The following GRIA1 variants were observed in gnomAD, a reference collection of about 807,000 sequenced individuals.
The protein encoded by GRIA1 is glutamate ionotropic receptor AMPA type subunit 1.
A neutral mutation model predicts 99.2 loss-of-function variants in GRIA1; 31 were observed. That is an observed-to-expected ratio of 0.31 (90% CI 0.23 to 0.42). The LOEUF (loss-of-function observed/expected upper bound fraction) is 0.42. Ranked by LOEUF, GRIA1 falls within the 10% of genes least tolerant of loss-of-function variation. The pLI is 1.00. For synonymous variants in GRIA1, 438 were observed against 432.4 expected (o/e 1.01, Z -0.16); for missense variants, 782 against 1,157.5 (o/e 0.68, Z 4.71).
chr5:153,511,820 C>T (rs529369475), intron 2 of GRIA1, among the ~76,000 whole-genome samples: 5 of 152,262 alleles, frequency 3.3e-5, no homozygotes, highest in South Asian at 4.1e-4. Flanking sequence ...AAGGAATTGC[C>T]GGTGATTTCA....
chr5:153,531,395 A>G (rs112822770), intron 2 of GRIA1, among the ~76,000 whole-genome samples: 1 of 152,170 alleles, frequency 6.6e-6, no homozygotes, highest in Non-Finnish European at 1.5e-5. Flanking sequence ...CTGTGTATTC[A>G]TCATATCTCT....
chr5:153,740,214 A>C (rs1489920830), intron 11 of GRIA1, among the ~76,000 whole-genome samples: 3 of 152,240 alleles, frequency 2.0e-5, no homozygotes, highest in African/African-American at 7.2e-5. Context: ...AAAGTTGAAG[A>C]TCTCACCCCT....
intron 5 of GRIA1, among the ~76,000 whole-genome samples, chr5:153,668,871 A>T (rs1441813760): frequency 6.6e-6 from 1 of 152,248 alleles, no homozygotes; most frequent in Non-Finnish European, 1.5e-5. Context: ...TGCCAGCCAC[A>T]GTCTGAGGTT....
chr5:153,785,323 C>T (rs1261296306), intron 13 of GRIA1, among the ~76,000 whole-genome samples: 2 of 152,184 alleles, frequency 1.3e-5, no homozygotes, highest in South Asian at 4.1e-4. Flanking sequence ...AATACCTGCT[C>T]TCCCCTCTTA....
intron 2 of GRIA1, among the ~76,000 whole-genome samples, chr5:153,596,688 C>G (rs1308258200): frequency 1.4e-5 from 2 of 138,298 alleles, no homozygotes; most frequent in Non-Finnish European, 3.4e-5. Context: ...TCTAAAAACT[C>G]AGTGTTGTGG....
At chr5:153,702,110 T>C (rs1280280914) in intron 10 of GRIA1, among the ~76,000 whole-genome samples, 3 of 152,206 alleles carry the variant, frequency 2.0e-5, no homozygotes, top group Non-Finnish European at 4.4e-5. Context: ...GCTCTGGCTT[T>C]TGTACTCCAC....
At chr5:153,669,751 T>C (rs995287937) in intron 5 of GRIA1, among the ~76,000 whole-genome samples, 1 of 152,224 alleles carries the variant, frequency 6.6e-6, no homozygotes, top group Admixed American at 6.5e-5. Context: ...CATTTGGTTA[T>C]TTAATGGTTT....
intron 2 of GRIA1, among the ~76,000 whole-genome samples, chr5:153,544,351 T>C (rs1418159884): frequency 6.6e-6 from 1 of 152,142 alleles, no homozygotes; most frequent in African/African-American, 2.4e-5. Context: ...ATATCTTCTA[T>C]TCTCCATTCA....
At position 153,649,983 on chromosome 5, in the gene GRIA1, C is replaced by T. The variant is rs1430555269; in HGVS notation, c.461-347C>T. On this transcript the variant is annotated intron_variant, in intron 3 of 15. Coordinates refer to ENST00000285900, the MANE Select transcript of GRIA1 (RefSeq NM_000827.4). ...GGCTCTGCTATGTATCAAACATTCT[C>T]ACTTAATCCTCATAATGACATTATG... 3.3e-5 allele frequency among the ~76,000 whole-genome samples: 5 copies of T among 152,178 alleles called. No homozygotes were observed. The East Asian group carries it at 9.6e-4, about 29-fold the overall frequency.
intron 10 of GRIA1, 137 bp downstream of exon 10, chr5:153,699,210 G>C: frequency 1.5e-6 from 1 of 678,064 alleles, no homozygotes; most frequent in Non-Finnish European, 2.6e-6. Flanking sequence ...GAACAGATGA[G>C]TCATCCAAAA....
chr5:153,734,439 T>C (rs1200488880), intron 11 of GRIA1, among the ~76,000 whole-genome samples: 1 of 152,176 alleles, frequency 6.6e-6, no homozygotes, highest in African/African-American at 2.4e-5. Context: ...TACAAGAGTC[T>C]CAAATGGAGG....
At chr5:153,767,329 A>C (rs1374061641) in intron 12 of GRIA1, among the ~76,000 whole-genome samples, 3 of 152,182 alleles carry the variant, frequency 2.0e-5, no homozygotes, top group African/African-American at 7.2e-5. Flanking sequence ...TACTTGCCCA[A>C]CGTCTTTCAG....
Position 153,686,308 on chromosome 5 carries a change from G to C in GRIA1, c.1113G>C (p.Met371Ile). 1 of 1,613,640 alleles carries C rather than the reference G, an allele frequency of 6.2e-7. No individual in the cohort carries two copies. Among genetic ancestry groups the C allele is most frequent in the Non-Finnish European group, 8.5e-7 (1 of 1,179,560 alleles). ...ACTACACGCTCCACGTGATTGAAAT[G>C]AAACATGACGGCATCCGAAAGGTAA... ...RTNYTLHVIE[M>I]KHDGIRKIGY... Residue 371 changes from methionine (M) to isoleucine (I), a missense_variant, in exon 8 of 16, where the codon ATG becomes ATC. Physicochemically the swap from Met to Ile is conservative, Grantham distance 10. Transcript: ENST00000285900.
intron 13 of GRIA1, among the ~76,000 whole-genome samples, chr5:153,770,994 G>A (rs924334443): frequency 1.3e-5 from 2 of 152,236 alleles, no homozygotes; most frequent in African/African-American, 4.8e-5. Context: ...TGGTAAAGAA[G>A]CAGAGTGGAC....
intron 9 of GRIA1, among the ~76,000 whole-genome samples, chr5:153,698,526 G>A (rs1561778906): frequency 6.6e-6 from 1 of 152,178 alleles, no homozygotes; most frequent in Non-Finnish European, 1.5e-5. Flanking sequence ...GTAATTTTCA[G>A]TGACTGATCA....
At chr5:153,799,488 T>C (rs1357226149) in intron 14 of GRIA1, among the ~76,000 whole-genome samples, 1 of 152,154 alleles carries the variant, frequency 6.6e-6, no homozygotes, top group Admixed American at 6.5e-5. Flanking sequence ...TTTGTGTAAA[T>C]TGAAACTCCT....
chr5:153,491,089 T>A (rs555777805), intron 1 of GRIA1, 119 bp downstream of exon 1: 3 of 1,111,718 alleles, frequency 2.7e-6, no homozygotes, highest in Admixed American at 3.7e-5. Context: ...CCTAAAGCTG[T>A]GCTGCGGTAA....
intron 5 of GRIA1, among the ~76,000 whole-genome samples, chr5:153,663,995 G>A (rs1045540646): frequency 2.0e-5 from 3 of 152,182 alleles, no homozygotes; most frequent in African/African-American, 7.2e-5. Flanking sequence ...GACTATGATT[G>A]CTCTGACAGA....
chr5:153,670,529 G>A (rs1337315669), intron 5 of GRIA1, among the ~76,000 whole-genome samples: 2 of 152,062 alleles, frequency 1.3e-5, no homozygotes, highest in Non-Finnish European at 2.9e-5. Flanking sequence ...GTGGCTCAAA[G>A]AGAGTAGTAA....
Sources: gnomAD v4.1 joint callset for allele counts (sites outside exome capture counted in the v4.1 genomes callset) on GRCh38, gnomAD v4.1.1 for gene constraint, MANE v1.5 for transcripts, NCBI Gene and HGNC (gene_info 2026-07-23, HGNC 2026-07-21) for gene names.